The following PTPRT variants were observed in gnomAD, a reference collection of about 807,000 sequenced individuals.
The protein encoded by PTPRT is receptor-type tyrosine-protein phosphatase T.
PTPRT carries 56 observed loss-of-function variants against 176.8 expected under a neutral mutation model. The ratio of observed to expected loss-of-function variants is 0.32; its 90% CI spans 0.26 to 0.40. The LOEUF (loss-of-function observed/expected upper bound fraction) is 0.40, where lower values mean the gene tolerates loss of function less well. Ranked by LOEUF, PTPRT falls within the 10% of genes least tolerant of loss-of-function variation. The probability of loss-of-function intolerance (pLI) is 1.00; values close to 1 mark genes in which losing one functional copy is unlikely to be tolerated. For synonymous variants in PTPRT, 783 were observed against 739.0 expected (o/e 1.06, Z -0.96); for missense variants, 1,540 against 1,908.2 (o/e 0.81, Z 3.60).
intron 2 of PTPRT, among the ~76,000 whole-genome samples, chr20:42,875,471 C>A (rs2078915205): frequency 6.6e-6 from 1 of 152,204 alleles, no homozygotes; most frequent in South Asian, 2.1e-4. Flanking sequence ...ACACGAAAAA[C>A]CATCTTATAA....
rs766679690 is a variant in PTPRT, at chr20:42,156,152, G to A, written c.2682+5200C>T. 6.6e-5 allele frequency among the ~76,000 whole-genome samples: 10 copies of A among 152,054 alleles called. No homozygotes were observed. In the East Asian group the frequency reaches 7.7e-4, roughly 12 times the overall value. On this transcript the variant is annotated intron_variant, in intron 17 of 30. Coordinates refer to ENST00000373187, the MANE Select transcript of PTPRT (RefSeq NM_007050.6). ...TGGTTCTTCCTACTTCTCAAGCTTC[G>A]GTTGAGGCTTCATGTCTTCCAGAAA...
chr20:42,964,826 A>T (rs1476905410), intron 1 of PTPRT, among the ~76,000 whole-genome samples: 1 of 152,216 alleles, frequency 6.6e-6, no homozygotes, highest in African/African-American at 2.4e-5. Context: ...CAAAACAAGG[A>T]TATTTCAGCA....
At chr20:42,978,212 ATAAC>A (rs1250275392) in intron 1 of PTPRT, among the ~76,000 whole-genome samples, 4 of 152,266 alleles carry the variant, frequency 2.6e-5, no homozygotes, top group Admixed American at 6.5e-5. Flanking sequence ...TAAGAGATTA[ATAAC>A]TAATAATAAA....
intron 14 of PTPRT, among the ~76,000 whole-genome samples, chr20:42,242,091 C>T (rs2056365113): frequency 6.6e-6 from 1 of 152,136 alleles, no homozygotes; most frequent in Admixed American, 6.5e-5. Context: ...GTTAGCTTTT[C>T]TGATTGTCTA....
chr20:42,982,641 G>A lies in PTPRT; in HGVS notation c.89-96709C>T, dbSNP rs6016931. On this transcript the variant is annotated intron_variant, in intron 1 of 30. Coordinates refer to ENST00000373187, the MANE Select transcript of PTPRT (RefSeq NM_007050.6). The stretch of plus-strand genomic sequence containing the variant: ...GTAGATGGATCGAAAGGGGAGGAGC[G>A]ATGGGAGATGAGGCCATGGAGGTGA... Among the ~76,000 whole-genome samples the A allele has an allele frequency of 2.2e-3, 328 of 151,746 alleles. 1 individual carries two copies. The highest frequency in any genetic ancestry group is 7.5e-3 in the African/African-American group (310 of 41,350).
Position 43,189,628 on chromosome 20 carries a change from C to T in PTPRT, c.88+18G>A. ...GGAGGGAGCGGGGAGCCCAGGGGAG[C>T]CGGGCGGGCGCACTCACCTGCGGCG... On this transcript the variant is annotated intron_variant, in intron 1 of 30. Coordinates refer to ENST00000373187, the MANE Select transcript of PTPRT (RefSeq NM_007050.6). This position sits in a 1 kb window ranked among gnomAD's most constrained non-coding sequence, Gnocchi z 5.0. The T allele has an allele frequency of 8.0e-7, 1 of 1,242,970 alleles. No homozygotes were observed. The allele number at this position is 1,242,970 out of a possible 1,614,324, so 77.0% of individuals were successfully genotyped here. A position where few individuals can be genotyped will look rare whatever the true frequency, so the allele number is the denominator to read the frequency against.
intron 1 of PTPRT, among the ~76,000 whole-genome samples, chr20:43,094,289 T>C (rs1158898092): frequency 2.0e-5 from 3 of 150,972 alleles, no homozygotes; most frequent in South Asian, 4.2e-4. Context: ...GGTTTCACCA[T>C]GTTGGCCAGG....
intron 1 of PTPRT, among the ~76,000 whole-genome samples, chr20:42,906,885 C>G (rs1356935934): frequency 6.6e-6 from 1 of 152,012 alleles, no homozygotes; most frequent in Admixed American, 6.6e-5. Flanking sequence ...AAATGTGAAA[C>G]CTCATCTGCC....
chr20:42,155,318 T>A (rs1989305287), intron 17 of PTPRT, among the ~76,000 whole-genome samples: 1 of 152,198 alleles, frequency 6.6e-6, no homozygotes, highest in Non-Finnish European at 1.5e-5. Flanking sequence ...CTCCTTGAGC[T>A]CCTAGGAGCC....
chr20:42,101,536 T>C (rs892246821), intron 26 of PTPRT, among the ~76,000 whole-genome samples: 2 of 152,172 alleles, frequency 1.3e-5, no homozygotes, highest in Non-Finnish European at 2.9e-5. Flanking sequence ...CTGGACCTGA[T>C]GACAAGAAAG....
At chr20:42,401,849 C>T (rs988398758) in intron 9 of PTPRT, among the ~76,000 whole-genome samples, 6 of 152,188 alleles carry the variant, frequency 3.9e-5, no homozygotes, top group Non-Finnish European at 8.8e-5. Flanking sequence ...CTGATTGCCA[C>T]AGTGTTACAT....
At position 42,947,317 on chromosome 20, in the gene PTPRT, C is replaced by A. The variant is rs138416439; in HGVS notation, c.89-61385G>T. ...ACTTGTGCTTGTTAAAATGCACCCT[C>A]CTTGCATCTTGCAAAGTTTCAATGC... is the stretch of plus-strand genomic sequence containing the variant. On this transcript the variant is annotated intron_variant, in intron 1 of 30. Transcript: ENST00000373187. Among the ~76,000 whole-genome samples, 102 of 152,304 alleles carry A rather than the reference C, an allele frequency of 6.7e-4. 1 individual carries two copies. The highest frequency in any genetic ancestry group is 2.3e-3 in the African/African-American group (95 of 41,560).
chr20:42,591,060 G>T (rs116682000), intron 7 of PTPRT, among the ~76,000 whole-genome samples: 2 of 151,002 alleles, frequency 1.3e-5, no homozygotes, highest in African/African-American at 2.4e-5. Flanking sequence ...AATGGGTCAA[G>T]ATTTTAAATG....
At chr20:42,195,935 A>C (rs947752711) in intron 16 of PTPRT, among the ~76,000 whole-genome samples, 1 of 152,216 alleles carries the variant, frequency 6.6e-6, no homozygotes, top group Admixed American at 6.5e-5. Context: ...AAACTATTTC[A>C]GTCTTGGGTG....
chr20:42,723,863 A>G (rs773767001), intron 6 of PTPRT, among the ~76,000 whole-genome samples: 4 of 152,188 alleles, frequency 2.6e-5, no homozygotes, highest in East Asian at 1.9e-4. Context: ...TTGCTCTCCT[A>G]TCTGGACAGG....
At chr20:42,814,106 C>A (rs2077742041) in intron 2 of PTPRT, among the ~76,000 whole-genome samples, 1 of 152,110 alleles carries the variant, frequency 6.6e-6, no homozygotes, top group Non-Finnish European at 1.5e-5. Context: ...TACTAATATG[C>A]TTTTTGGTGG....
At chr20:42,114,499 G>C (rs1188332163) in intron 22 of PTPRT, among the ~76,000 whole-genome samples, 2 of 152,180 alleles carry the variant, frequency 1.3e-5, no homozygotes, top group East Asian at 1.9e-4. Flanking sequence ...CACCAAGCTT[G>C]TGCAGCCCTG....
intron 26 of PTPRT, among the ~76,000 whole-genome samples, chr20:42,100,244 G>GAAAATATGT (rs1306803570): frequency 5.3e-5 from 8 of 152,190 alleles, no homozygotes; most frequent in African/African-American, 1.7e-4. Context: ...AGCCTTATCT[G>GAAAATATGT]AAAATATGTT....
At chr20:42,152,872 T>C (rs997396362) in intron 17 of PTPRT, among the ~76,000 whole-genome samples, 1 of 152,228 alleles carries the variant, frequency 6.6e-6, no homozygotes, top group Non-Finnish European at 1.5e-5. Flanking sequence ...GTAAGATTCC[T>C]ATTAAATCTC....
Sources: allele counts gnomAD v4.1 joint callset (sites outside exome capture counted in the v4.1 genomes callset), GRCh38; gene constraint gnomAD v4.1.1; non-coding constraint Gnocchi (gnomAD v3.1); transcripts MANE v1.5; gene names NCBI Gene and HGNC (gene_info 2026-07-23, HGNC 2026-07-21).